The following RABGAP1L variants were observed in gnomAD, a reference collection of about 807,000 sequenced individuals.
RABGAP1L encodes RAB GTPase activating protein 1 like, also known as rab GTPase-activating protein 1-like.
RABGAP1L carries 63 observed loss-of-function variants against 137.7 expected under a neutral mutation model. The ratio of observed to expected loss-of-function variants is 0.46; its 90% CI spans 0.37 to 0.56. The LOEUF is 0.56. RABGAP1L is among the 20% of genes least tolerant of loss of function. The pLI, the probability that RABGAP1L is intolerant of heterozygous loss-of-function variation, is 0.00. For synonymous variants in RABGAP1L, 431 were observed against 433.7 expected (o/e 0.99, Z 0.08); for missense variants, 1,095 against 1,244.0 (o/e 0.88, Z 1.80).
rs1679482760 is a variant in RABGAP1L, at chr1:174,699,339, A to G, written c.1900-186A>G. Among the ~76,000 whole-genome samples, 3 of 152,206 alleles carry G rather than the reference A, an allele frequency of 2.0e-5. No homozygotes were observed. The South Asian group carries it at 6.2e-4, about 32-fold the overall frequency. ...ATGAATGACAACATGATTAAAATTA[A>G]CAAAAGAAGATAATTCATCTCAAGT... On this transcript the variant is annotated intron_variant, in intron 15 of 25. Coordinates refer to ENST00000681986, the MANE Select transcript of RABGAP1L (RefSeq NM_001366446.1).
chr1:174,329,964 T>G (rs546811449), intron 11 of RABGAP1L, among the ~76,000 whole-genome samples: 1 of 151,172 alleles, frequency 6.6e-6, no homozygotes, highest in South Asian at 2.1e-4. Context: ...AAAAAAAAAT[T>G]GAAAACTTTT....
intron 19 of RABGAP1L, among the ~76,000 whole-genome samples, chr1:174,947,147 C>G (rs974948481): frequency 6.7e-6 from 1 of 149,676 alleles, no homozygotes; most frequent in African/African-American, 2.4e-5. Flanking sequence ...GTAAATTGCT[C>G]ATAAAATTAT....
chr1:174,819,186 C>CA (rs1553257374), intron 19 of RABGAP1L, among the ~76,000 whole-genome samples: 2 of 60,034 alleles, frequency 3.3e-5, no homozygotes, highest in African/African-American at 1.5e-4. Context: ...CTGCCTGTCT[C>CA]TAAAAAAAAA....
At chr1:174,522,236 G>A (rs975699932) in intron 13 of RABGAP1L, among the ~76,000 whole-genome samples, 1 of 152,174 alleles carries the variant, frequency 6.6e-6, no homozygotes, top group Non-Finnish European at 1.5e-5. Context: ...TTGCAGAACA[G>A]CAGAAGGCAG....
chr1:174,544,502 C>G (rs1413835725), intron 13 of RABGAP1L, among the ~76,000 whole-genome samples: 2 of 152,248 alleles, frequency 1.3e-5, no homozygotes, highest in East Asian at 3.9e-4. Flanking sequence ...TTCGTCTAAT[C>G]TTTCTTCATG....
intron 8 of RABGAP1L, among the ~76,000 whole-genome samples, chr1:174,275,557 A>G (rs1674923894): frequency 6.6e-6 from 1 of 152,154 alleles, no homozygotes; most frequent in South Asian, 2.1e-4. Context: ...CTTTGTAACA[A>G]TATTATGTTT....
chr1:174,264,547 T>C (rs1165117100), intron 7 of RABGAP1L, among the ~76,000 whole-genome samples: 1 of 152,172 alleles, frequency 6.6e-6, no homozygotes, highest in African/African-American at 2.4e-5. Context: ...AAAGTTAATA[T>C]GTTCAAAAAT....
At chr1:174,190,101 A>G (rs1237113142) in intron 1 of RABGAP1L, among the ~76,000 whole-genome samples, 4 of 152,068 alleles carry the variant, frequency 2.6e-5, no homozygotes, top group Non-Finnish European at 5.9e-5. Flanking sequence ...TCAGGGGATG[A>G]AGACCATCCT....
At chr1:174,215,475 AT>A (rs140806733) in intron 1 of RABGAP1L, among the ~76,000 whole-genome samples, 32,498 of 148,464 alleles carry the variant, frequency 0.22, 3,986 homozygotes, top group Non-Finnish European at 0.26. Context: ...AAAAATAATA[AT>A]AATAAAATAA....
At chr1:174,574,270 T>C (rs1668200289) in intron 13 of RABGAP1L, among the ~76,000 whole-genome samples, 1 of 152,222 alleles carries the variant, frequency 6.6e-6, no homozygotes, top group Non-Finnish European at 1.5e-5. Flanking sequence ...TAATACAAAA[T>C]AGATACTGAT....
At chr1:174,840,658 G>C (rs987667534) in intron 19 of RABGAP1L, among the ~76,000 whole-genome samples, 5 of 147,776 alleles carry the variant, frequency 3.4e-5, no homozygotes, top group African/African-American at 1.2e-4. Context: ...CAAAAAAAAA[G>C]AAAAAAATTT....
At position 174,241,528 on chromosome 1, in the gene RABGAP1L, C is replaced by G; in HGVS notation, c.588C>G (p.Ile196Met). ...ATGTGGAGATAGCATCTTTTCCAAT[C>G]TATAAGGTGTTATTCTGTGCACGTG... ...SSNVEIASFP[I>M]YKVLFCARGH... The change falls in exon 5 of 26, where the codon ATC (isoleucine) becomes ATG (methionine). Residue 196 changes from isoleucine to methionine, a missense_variant. Ile to Met is a conservative substitution (Grantham distance 10). This residue lies in a region of RABGAP1L where 356 missense variants were observed against 326.3 expected (regional missense o/e 1.09). Transcript: ENST00000681986. 1 of 1,611,414 alleles carries G rather than the reference C, an allele frequency of 6.2e-7. No homozygotes were observed.
intron 18 of RABGAP1L, chr1:174,799,758 GGCA>G (rs139364178): frequency 4.2e-4 from 329 of 780,940 alleles, no homozygotes; most frequent in South Asian, 4.6e-4. Flanking sequence ...CACAGCGAGA[GGCA>G]GCAGCAGCAG....
rs1291778129 is a variant in RABGAP1L, at chr1:174,625,943, A to T, written c.1711-11432A>T. 2.0e-5 allele frequency among the ~76,000 whole-genome samples: 3 copies of T among 152,332 alleles called. No individual in the cohort carries two copies. In the East Asian group the frequency reaches 5.8e-4, roughly 29 times the overall value. Reference sequence around the variant, plus strand: ...CTTTCTTAAAATTTGTATGTATTTCAAAAGAGTTCAAAGAGCTGTTTTGAT... The same window carrying T: ...CTTTCTTAAAATTTGTATGTATTTCTAAAGAGTTCAAAGAGCTGTTTTGAT... On this transcript the variant is annotated intron_variant, in intron 13 of 25. Transcript: ENST00000681986.
intron 7 of RABGAP1L, among the ~76,000 whole-genome samples, chr1:174,255,393 G>A (rs1291589139): frequency 6.6e-6 from 1 of 152,176 alleles, no homozygotes. Flanking sequence ...CAAACTTACA[G>A]AAGAGTTAAA....
At chr1:174,284,842 A>G (rs1187746190) in intron 10 of RABGAP1L, among the ~76,000 whole-genome samples, 2 of 134,406 alleles carry the variant, frequency 1.5e-5, no homozygotes, top group South Asian at 2.3e-4. Flanking sequence ...CGGGTTCTAT[A>G]TGAATTTTAG....
intron 13 of RABGAP1L, among the ~76,000 whole-genome samples, chr1:174,538,993 C>T (rs892843090): frequency 6.6e-6 from 1 of 152,074 alleles, no homozygotes; most frequent in Non-Finnish European, 1.5e-5. Context: ...TGCCTACGTT[C>T]ATTAAAAAGT....
chr1:174,778,060 T>A (rs779690405), intron 18 of RABGAP1L, among the ~76,000 whole-genome samples: 7 of 152,032 alleles, frequency 4.6e-5, no homozygotes, highest in Non-Finnish European at 7.4e-5. Flanking sequence ...ACCCAAGAAG[T>A]TTAGTGAATT....
intron 19 of RABGAP1L, among the ~76,000 whole-genome samples, chr1:174,828,465 G>C (rs539012981): frequency 6.8e-6 from 1 of 147,838 alleles, no homozygotes; most frequent in Non-Finnish European, 1.5e-5. Flanking sequence ...CTGCTGCCTA[G>C]GTTGCTTTCT....
Sources: gnomAD v4.1 joint callset for allele counts (sites outside exome capture counted in the v4.1 genomes callset) on GRCh38, gnomAD v4.1.1 for gene constraint, gnomAD v4.1.1 regional missense constraint, MANE v1.5 for transcripts, NCBI Gene and HGNC (gene_info 2026-07-23, HGNC 2026-07-21) for gene names.